Variants in ZNF804B observed in about 807,000 individuals in gnomAD.
ZNF804B encodes the protein zinc finger 804B.
ZNF804B carries 80 observed loss-of-function variants against 101.4 expected under a neutral mutation model. The ratio of observed to expected loss-of-function variants is 0.79; its 90% CI spans 0.66 to 0.95. The LOEUF is 0.95. Ranked by LOEUF, ZNF804B falls within the 40% of genes least tolerant of loss-of-function variation. The pLI, the probability that ZNF804B is intolerant of heterozygous loss-of-function variation, is 0.00. For missense variants in ZNF804B, 1,673 were observed against 1,561.9 expected (o/e 1.07, Z -1.20); for synonymous variants, 622 against 558.8 (o/e 1.11, Z -1.59).
At chr7:89,052,994 A>C (rs1452160198) in intron 1 of ZNF804B, among the ~76,000 whole-genome samples, 5 of 152,166 alleles carry the variant, frequency 3.3e-5, no homozygotes, top group South Asian at 2.1e-4. Context: ...TAACAAAGTC[A>C]TTGATTTCTT....
At position 89,165,038 on chromosome 7, in the gene ZNF804B, A is replaced by G. The variant is rs561822675; in HGVS notation, c.109-53117A>G. ...AGAAAATGTGATTCATTAAGAGATA[A>G]TAACTTACCCATTATCACAAGGCTG... On this transcript the variant is annotated intron_variant, in intron 1 of 3. Transcript: ENST00000333190. Among the ~76,000 whole-genome samples, 5 of 152,270 alleles carry G rather than the reference A, an allele frequency of 3.3e-5. No homozygotes were observed. In the East Asian group the frequency reaches 9.6e-4, roughly 29 times the overall value.
At position 89,308,694 on chromosome 7, in the gene ZNF804B, G is replaced by A. The variant is rs181771730; in HGVS notation, c.250-18650G>A. ...CTCATCCTGAACTAACAAGAACAGGGTGTTTCTCTACCCATTGTTGGCAAA... is the reference window on the plus strand; with the variant it reads ...CTCATCCTGAACTAACAAGAACAGGATGTTTCTCTACCCATTGTTGGCAAA... On this transcript the variant is annotated intron_variant, in intron 2 of 3. Transcript: ENST00000333190. Among the ~76,000 whole-genome samples, 5 of 152,258 alleles carry A rather than the reference G, an allele frequency of 3.3e-5. No homozygotes were observed. The East Asian group carries it at 9.6e-4, about 29-fold the overall frequency.
chr7:88,990,956 A>T (rs1793836347), intron 1 of ZNF804B, among the ~76,000 whole-genome samples: 1 of 152,134 alleles, frequency 6.6e-6, no homozygotes, highest in South Asian at 2.1e-4. Flanking sequence ...ATAGGTAGGA[A>T]TGATCAAACC....
intron 1 of ZNF804B, among the ~76,000 whole-genome samples, chr7:88,941,414 A>G (rs556855989): frequency 1.3e-5 from 2 of 152,144 alleles, no homozygotes; most frequent in South Asian, 4.1e-4. Context: ...TAGATAAGGG[A>G]ATATTATTCA....
intron 2 of ZNF804B, among the ~76,000 whole-genome samples, chr7:89,242,740 T>C (rs943086289): frequency 2.0e-5 from 3 of 151,926 alleles, no homozygotes; most frequent in Non-Finnish European, 4.4e-5. Flanking sequence ...AAAGCATATG[T>C]AATATAAAAT....
intron 1 of ZNF804B, among the ~76,000 whole-genome samples, chr7:88,999,607 T>A (rs1788255039): frequency 6.6e-6 from 1 of 152,040 alleles, no homozygotes; most frequent in Non-Finnish European, 1.5e-5. Flanking sequence ...TCTCATGTAG[T>A]TAAATTTTTT....
intron 1 of ZNF804B, chr7:88,795,563 G>A (rs1338630805): frequency 6.6e-6 from 1 of 151,950 alleles, no homozygotes; most frequent in Non-Finnish European, 1.5e-5. Flanking sequence ...TGTTGTAAGG[G>A]CTACATGAAA....
At chr7:89,122,144 G>A (rs1340000595) in intron 1 of ZNF804B, among the ~76,000 whole-genome samples, 1 of 152,002 alleles carries the variant, frequency 6.6e-6, no homozygotes, top group African/African-American at 2.4e-5. Flanking sequence ...GAACTGTCCT[G>A]TCTGATATGA....
intron 1 of ZNF804B, among the ~76,000 whole-genome samples, chr7:88,781,227 T>G (rs752483601): frequency 1.3e-5 from 2 of 152,238 alleles, no homozygotes; most frequent in Non-Finnish European, 2.9e-5. Context: ...GTTTCCATAA[T>G]GCATACTAAT....
chr7:89,161,618 G>A lies in ZNF804B; in HGVS notation c.109-56537G>A, dbSNP rs191980288. Among the ~76,000 whole-genome samples, 257 of 97,088 alleles carry A rather than the reference G, an allele frequency of 2.6e-3. 1 individual carries two copies. Among genetic ancestry groups the A allele is most frequent in the African/African-American group, 7.9e-3 (242 of 30,672 alleles). The allele number at this position is 97,088 out of a possible 152,430, so 63.7% of individuals were successfully genotyped here. A position where few individuals can be genotyped will look rare whatever the true frequency, so the allele number is the denominator to read the frequency against. On this transcript the variant is annotated intron_variant, in intron 1 of 3. Coordinates refer to ENST00000333190, the MANE Select transcript of ZNF804B (RefSeq NM_181646.5). ...TACCCAGACTGGTCTCAAAGTCCTG[G>A]GCTCAAGCGATCCTCCCACCTTAGC...
At chr7:88,846,367 T>G (rs1791373864) in intron 1 of ZNF804B, among the ~76,000 whole-genome samples, 1 of 152,080 alleles carries the variant, frequency 6.6e-6, no homozygotes, top group Non-Finnish European at 1.5e-5. Context: ...AACCAGATAA[T>G]CTGTAGCTTT....
chr7:88,824,720 T>C (rs1274800625), intron 1 of ZNF804B, among the ~76,000 whole-genome samples: 1 of 111,984 alleles, frequency 8.9e-6, no homozygotes, highest in Admixed American at 9.1e-5. Context: ...TTTCTGGCTC[T>C]GTCCTTGATT....
chr7:88,927,313 A>G (rs1792818856), intron 1 of ZNF804B, among the ~76,000 whole-genome samples: 1 of 152,200 alleles, frequency 6.6e-6, no homozygotes, highest in African/African-American at 2.4e-5. Context: ...CATTTCTGAA[A>G]AAAACAGTCT....
chr7:89,208,081 G>GTTTTT lies in ZNF804B; in HGVS notation c.109-10074_109-10073insTTTTT, dbSNP rs201597943. 4.4e-5 allele frequency among the ~76,000 whole-genome samples: 6 copies of GTTTTT among 135,422 alleles called. 2 individuals carry two copies. Among genetic ancestry groups the GTTTTT allele is most frequent in the Non-Finnish European group, 6.4e-5 (4 of 62,572 alleles). The allele number at this position is 135,422 out of a possible 152,430, so 88.8% of individuals were successfully genotyped here. ...GTGTGTTATATTTACTATTTTATTG[G>GTTTTT]GTTTTTTTTTTTTTTTTTGAGACAG... On this transcript the variant is annotated intron_variant, in intron 1 of 3. Transcript: ENST00000333190.
chr7:88,804,539 C>T (rs995396536), intron 1 of ZNF804B, among the ~76,000 whole-genome samples: 1 of 151,884 alleles, frequency 6.6e-6, no homozygotes, highest in Non-Finnish European at 1.5e-5. Context: ...AACACTAAAG[C>T]TTTATGACTT....
chr7:88,993,697 C>T (rs1314077269), intron 1 of ZNF804B, among the ~76,000 whole-genome samples: 5 of 151,986 alleles, frequency 3.3e-5, no homozygotes, highest in Non-Finnish European at 7.4e-5. Context: ...CATGCCAAAA[C>T]ATCTATGTAT....
At chr7:88,864,172 A>G (rs1791691280) in intron 1 of ZNF804B, among the ~76,000 whole-genome samples, 1 of 152,074 alleles carries the variant, frequency 6.6e-6, no homozygotes, top group African/African-American at 2.4e-5. Context: ...TTGTTTTTAT[A>G]CCTCTCACTT....
At chr7:89,304,529 ATG>A (rs80210075) in intron 2 of ZNF804B, among the ~76,000 whole-genome samples, 2 of 150,908 alleles carry the variant, frequency 1.3e-5, no homozygotes, top group South Asian at 2.1e-4. Flanking sequence ...ATGTGTGTGT[ATG>A]TGTGTGTGTG....
intron 1 of ZNF804B, among the ~76,000 whole-genome samples, chr7:89,207,269 G>A (rs10236398): frequency 0.71 from 108,732 of 152,088 alleles, 39,600 homozygotes; most frequent in African/African-American, 0.78. Context: ...GTAATTTACA[G>A]AGGAAAGCAG....
Sources: gnomAD v4.1 joint callset for allele counts (sites outside exome capture counted in the v4.1 genomes callset) on GRCh38, gnomAD v4.1.1 for gene constraint, MANE v1.5 for transcripts, NCBI Gene and HGNC (gene_info 2026-07-23, HGNC 2026-07-21) for gene names.